The following HS6ST3 variants were observed in gnomAD, a reference collection of about 807,000 sequenced individuals.
HS6ST3 encodes heparan-sulfate 6-O-sulfotransferase 3.
HS6ST3 carries 12 observed loss-of-function variants against 36.7 expected under a neutral mutation model. The ratio of observed to expected loss-of-function variants is 0.33; its 90% CI spans 0.21 to 0.53. The LOEUF (loss-of-function observed/expected upper bound fraction) is 0.53, where lower values mean the gene tolerates loss of function less well. HS6ST3 is among the 20% of genes least tolerant of loss of function. HS6ST3 has a pLI of 0.95. For synonymous variants in HS6ST3, 240 were observed against 257.5 expected (o/e 0.93, Z 0.65); for missense variants, 584 against 640.9 (o/e 0.91, Z 0.96).
intron 1 of HS6ST3, among the ~76,000 whole-genome samples, chr13:96,227,453 T>C (rs1423003249): frequency 6.6e-6 from 1 of 152,220 alleles, no homozygotes; most frequent in African/African-American, 2.4e-5. Context: ...TGGTTAAGTT[T>C]TCAAGTTCTA....
chr13:96,728,678 A>G (rs552941027), intron 1 of HS6ST3, among the ~76,000 whole-genome samples: 5 of 152,334 alleles, frequency 3.3e-5, no homozygotes, highest in Admixed American at 6.5e-5. Context: ...GAAAGGCATT[A>G]TCTTGGAACC....
intron 1 of HS6ST3, among the ~76,000 whole-genome samples, chr13:96,487,534 A>G (rs2055921486): frequency 6.6e-6 from 1 of 152,150 alleles, no homozygotes; most frequent in Non-Finnish European, 1.5e-5. Flanking sequence ...TAGGGCTGGT[A>G]TCGGGATTGC....
At chr13:96,212,511 C>T (rs756261633) in intron 1 of HS6ST3, among the ~76,000 whole-genome samples, 37 of 152,168 alleles carry the variant, frequency 2.4e-4, no homozygotes, top group Non-Finnish European at 4.0e-4. Context: ...TAGTCAATTA[C>T]GTATTTTCAG....
At chr13:96,520,060 A>G (rs2056087078) in intron 1 of HS6ST3, among the ~76,000 whole-genome samples, 1 of 152,092 alleles carries the variant, frequency 6.6e-6, no homozygotes. Flanking sequence ...TCAAGTTTAG[A>G]CAATATTTTA....
At chr13:96,394,865 G>A (rs1383590365) in intron 1 of HS6ST3, among the ~76,000 whole-genome samples, 1 of 152,148 alleles carries the variant, frequency 6.6e-6, no homozygotes, top group Non-Finnish European at 1.5e-5. Flanking sequence ...AATTGTAGTA[G>A]CAAATACTTA....
intron 1 of HS6ST3, among the ~76,000 whole-genome samples, chr13:96,198,648 G>C (rs970789390): frequency 3.9e-5 from 6 of 152,146 alleles, no homozygotes; most frequent in African/African-American, 9.7e-5. Flanking sequence ...AACATAACAA[G>C]AGTCACCTTT....
At chr13:96,442,870 A>G (rs1369641160) in intron 1 of HS6ST3, among the ~76,000 whole-genome samples, 3 of 152,104 alleles carry the variant, frequency 2.0e-5, no homozygotes, top group African/African-American at 7.2e-5. Context: ...TAGGAATAAC[A>G]AACAGCTTTA....
intron 1 of HS6ST3, among the ~76,000 whole-genome samples, chr13:96,121,646 A>G (rs1417699784): frequency 6.6e-6 from 1 of 152,246 alleles, no homozygotes; most frequent in Non-Finnish European, 1.5e-5. Context: ...AGCAGTGGTT[A>G]TAAGTAGGAC....
chr13:96,562,089 G>A (rs544838919), intron 1 of HS6ST3, among the ~76,000 whole-genome samples: 12 of 152,250 alleles, frequency 7.9e-5, no homozygotes, highest in East Asian at 1.9e-4. Flanking sequence ...TATGTTCATC[G>A]CAAAATTATT....
At chr13:96,550,173 G>C (rs1401718480) in intron 1 of HS6ST3, among the ~76,000 whole-genome samples, 1 of 152,170 alleles carries the variant, frequency 6.6e-6, no homozygotes, top group Non-Finnish European at 1.5e-5. Flanking sequence ...ATGGGGCCTA[G>C]TGGGAGATGT....
intron 1 of HS6ST3, among the ~76,000 whole-genome samples, chr13:96,555,075 G>A (rs967030884): frequency 6.6e-6 from 1 of 150,482 alleles, no homozygotes; most frequent in Non-Finnish European, 1.5e-5. Flanking sequence ...GTGAGACCCT[G>A]TCTCAATACA....
At chr13:96,182,360 A>C (rs1426572312) in intron 1 of HS6ST3, among the ~76,000 whole-genome samples, 1 of 152,220 alleles carries the variant, frequency 6.6e-6, no homozygotes, top group Non-Finnish European at 1.5e-5. Context: ...TTAATGATTT[A>C]AGACAAGAAT....
chr13:96,346,531 C>T (rs746321757), intron 1 of HS6ST3, among the ~76,000 whole-genome samples: 59 of 150,746 alleles, frequency 3.9e-4, no homozygotes, highest in Non-Finnish European at 6.9e-4. Flanking sequence ...GCCGAGATCG[C>T]GCCACTGCAC....
chr13:96,397,718 C>T (rs924838537), intron 1 of HS6ST3, among the ~76,000 whole-genome samples: 2 of 152,210 alleles, frequency 1.3e-5, no homozygotes, highest in South Asian at 4.1e-4. Context: ...CACTGCCCTT[C>T]CTGTACTTTC....
intron 1 of HS6ST3, among the ~76,000 whole-genome samples, chr13:96,798,932 T>C (rs979442713): frequency 1.3e-5 from 2 of 152,132 alleles, no homozygotes; most frequent in Non-Finnish European, 2.9e-5. Context: ...TCACATGGTC[T>C]TTTTTCTGTA....
Position 96,605,069 on chromosome 13 carries a change from A to T in HS6ST3, c.708-227421A>T, listed in dbSNP as rs185309674. On this transcript the variant is annotated intron_variant, in intron 1 of 1. Transcript: ENST00000376705. ...CTAGGATTTCTACATCATTTACCAA[A>T]TTTTTTCTCTCCTGGTGGTTTTCCA... Among the ~76,000 whole-genome samples, 56 of 152,086 alleles carry T rather than the reference A, an allele frequency of 3.7e-4. 1 individual carries two copies. Among genetic ancestry groups the T allele is most frequent in the South Asian group, 6.2e-4 (3 of 4,816 alleles).
chr13:96,645,768 C>T (rs906574271), intron 1 of HS6ST3, among the ~76,000 whole-genome samples: 2 of 151,680 alleles, frequency 1.3e-5, no homozygotes, highest in Non-Finnish European at 2.9e-5. Context: ...CTAATTCAGG[C>T]AAGAGAATTT....
rs368326730 is a variant in HS6ST3, at chr13:96,832,906, C to A, written c.1124C>A (p.Pro375His). The stretch of plus-strand genomic sequence containing the variant: ...ACATTCAACCTCAAGTTCATCTCCC[C>A]CTTCACACAGTTCAACATCACGCGG... ...ERTFNLKFISPFTQFNITRAS... is the reference protein window; with the variant it reads ...ERTFNLKFISHFTQFNITRAS... Residue 375 changes from proline (P) to histidine (H), a missense_variant, in exon 2 of 2, where the codon CCC becomes CAC. Transcript: ENST00000376705. 6.2e-7 allele frequency: 1 copy of A among 1,614,174 alleles called. No homozygotes were observed. The highest frequency in any genetic ancestry group is 1.3e-5 in the African/African-American group (1 of 75,052).
In HS6ST3 at chr13:96,148,551, T is replaced by G. The variant is rs116877350; in HGVS notation, c.707+56982T>G. On this transcript the variant is annotated intron_variant, in intron 1 of 1. Coordinates refer to ENST00000376705, the MANE Select transcript of HS6ST3 (RefSeq NM_153456.4). ...TGAACACTTAAGTTAATTAAGAAAA[T>G]GCACTTAAAGATTGATGTTTACACA... Among the ~76,000 whole-genome samples the G allele has an allele frequency of 3.9e-3, 597 of 152,206 alleles. 1 individual carries two copies. The highest frequency in any genetic ancestry group is 7.4e-3 in the Non-Finnish European group (500 of 68,012).
Sources: gnomAD v4.1 joint callset for allele counts (sites outside exome capture counted in the v4.1 genomes callset) on GRCh38, gnomAD v4.1.1 for gene constraint, MANE v1.5 for transcripts, NCBI Gene and HGNC (gene_info 2026-07-23, HGNC 2026-07-21) for gene names.